FRY: variants seen among roughly 807,000 people sequenced by gnomAD.
FRY encodes the protein protein furry homolog.
In FRY, 128 loss-of-function variants were observed where a neutral mutation model predicts 348.4. The ratio of observed to expected loss-of-function variants is 0.37; its 90% CI spans 0.32 to 0.43. The LOEUF (loss-of-function observed/expected upper bound fraction) is 0.43. Ranked by LOEUF, FRY falls within the 20% of genes least tolerant of loss-of-function variation. FRY has a pLI of 1.00. For missense variants in FRY, 2,736 were observed against 3,695.2 expected, an observed-to-expected ratio of 0.74 and a Z score of 6.73; for synonymous variants, 1,370 against 1,374.7, an observed-to-expected ratio of 1.00 and a Z score of 0.08.
At chr13:32,180,272 T>C (rs1166259980) in intron 23 of FRY, among the ~76,000 whole-genome samples, 1 of 152,088 alleles carries the variant, frequency 6.6e-6, no homozygotes, top group Non-Finnish European at 1.5e-5. Flanking sequence ...TCTCGCTCTG[T>C]CACGCAGGCT....
At chr13:32,180,780 C>G (rs980211114) in intron 23 of FRY, among the ~76,000 whole-genome samples, 2 of 152,054 alleles carry the variant, frequency 1.3e-5, no homozygotes, top group Admixed American at 6.6e-5. Context: ...AAATGAGAAA[C>G]CTCCAAGCAT....
intron 15 of FRY, 127 bp from the exon 16 acceptor site, chr13:32,157,146 A>T: frequency 1.2e-6 from 1 of 804,548 alleles, no homozygotes; most frequent in Non-Finnish European, 2.1e-6. Context: ...TGAATCAGAC[A>T]GCCCTTTTGC....
intron 36 of FRY, among the ~76,000 whole-genome samples, chr13:32,221,024 G>T (rs1278004206): frequency 1.3e-5 from 2 of 152,160 alleles, no homozygotes; most frequent in Non-Finnish European, 2.9e-5. Flanking sequence ...TAGGGTTCTG[G>T]CTGCTCACTT....
chr13:32,031,828 G>A lies in FRY; in HGVS notation c.33G>A (p.Glu11=). The A allele has an allele frequency of 6.2e-7, 1 of 1,605,256 alleles. No homozygotes were observed. Among genetic ancestry groups the A allele is most frequent in the South Asian group, 1.1e-5 (1 of 90,842 alleles). The part of the protein sequence containing the change: MASQQDSGFF[E]ISIKYLLKSW... ...GCCAGCAGGATTCGGGCTTCTTTGA[G>A]ATCAGTATCAAATATTTACTGAAAT... The change falls in exon 1 of 61, where the codon GAG becomes GAA. Residue 11 remains glutamate (E), a synonymous_variant. Coordinates refer to ENST00000542859, the MANE Select transcript of FRY (RefSeq NM_023037.3).
chr13:32,150,855 A>G (rs532664423), intron 14 of FRY, among the ~76,000 whole-genome samples: 32 of 152,206 alleles, frequency 2.1e-4, no homozygotes, highest in Non-Finnish European at 3.1e-4. Flanking sequence ...ACCACACCCC[A>G]TATTCTCTTC....
intron 59 of FRY, 120 bp downstream of exon 59, chr13:32,289,863 C>G (rs1481925758): frequency 8.5e-6 from 6 of 706,726 alleles, no homozygotes; most frequent in Non-Finnish European, 1.3e-5. Flanking sequence ...TTATTTTGCT[C>G]AAACACAATT....
intron 1 of FRY, among the ~76,000 whole-genome samples, chr13:32,051,771 G>C (rs930301426): frequency 6.6e-6 from 1 of 152,192 alleles, no homozygotes; most frequent in Non-Finnish European, 1.5e-5. Context: ...GATAATTTGC[G>C]AAGTATGAGG....
chr13:32,048,040 C>T lies in FRY; in HGVS notation c.70+16175C>T, dbSNP rs532864140. On this transcript the variant is annotated intron_variant, in intron 1 of 60. Coordinates refer to ENST00000542859, the MANE Select transcript of FRY (RefSeq NM_023037.3). ...CATACTTCCATTGTAGCAACAGTGGCATTCTGTAACTGCTTTACCTGTCTG... is the reference window on the plus strand; with the variant it reads ...CATACTTCCATTGTAGCAACAGTGGTATTCTGTAACTGCTTTACCTGTCTG... Among the ~76,000 whole-genome samples the T allele has an allele frequency of 3.0e-3, 464 of 152,320 alleles. 2 individuals carry two copies. Among genetic ancestry groups the T allele is most frequent in the Non-Finnish European group, 5.4e-3 (367 of 68,032 alleles).
intron 3 of FRY, among the ~76,000 whole-genome samples, chr13:32,111,635 G>A (rs1288901707): frequency 6.6e-6 from 1 of 152,152 alleles, no homozygotes; most frequent in Non-Finnish European, 1.5e-5. Flanking sequence ...GGGAGAGCAG[G>A]ATCATATGAG....
At chr13:32,176,790 G>A (rs999511679) in intron 20 of FRY, among the ~76,000 whole-genome samples, 1 of 152,244 alleles carries the variant, frequency 6.6e-6, no homozygotes, top group African/African-American at 2.4e-5. Context: ...AACGGGGAGA[G>A]AGTAATGGGA....
At chr13:32,128,661 T>C (rs1415264021) in intron 7 of FRY, among the ~76,000 whole-genome samples, 1 of 152,268 alleles carries the variant, frequency 6.6e-6, no homozygotes. Flanking sequence ...GTTTCTTTAT[T>C]TGTTAATTGG....
At chr13:32,224,880 A>G (rs1283370675) in intron 37 of FRY, 53 bp from the exon 38 acceptor site, 1 of 995,964 alleles carries the variant, frequency 1.0e-6, no homozygotes. Flanking sequence ...ATGATCTACT[A>G]GTATTTCCAT....
chr13:32,104,404 C>T (rs79650570), intron 3 of FRY, among the ~76,000 whole-genome samples: 1,648 of 152,286 alleles, frequency 0.011, 32 homozygotes, highest in African/African-American at 0.037. Context: ...CTGCTGCATC[C>T]GCCACCTAAC....
chr13:32,252,049 G>A (rs2806634), intron 50 of FRY, 97 bp downstream of exon 50: 272,518 of 837,316 alleles, frequency 0.33, 46,157 homozygotes, highest in East Asian at 0.4. Flanking sequence ...GGATTCAACT[G>A]TGAATGACAA....
intron 17 of FRY, among the ~76,000 whole-genome samples, chr13:32,170,504 A>C (rs1358551159): frequency 6.6e-6 from 1 of 152,234 alleles, no homozygotes; most frequent in Non-Finnish European, 1.5e-5. Context: ...GCAGCACTTC[A>C]GTAATTCTAA....
chr13:32,174,432 A>T (rs1343258509), intron 19 of FRY, among the ~76,000 whole-genome samples: 1 of 152,212 alleles, frequency 6.6e-6, no homozygotes. Context: ...GAAAGTAATG[A>T]TAATAATAAT....
chr13:32,206,220 C>G (rs1180753058), intron 31 of FRY, among the ~76,000 whole-genome samples: 1 of 152,072 alleles, frequency 6.6e-6, no homozygotes, highest in Non-Finnish European at 1.5e-5. Flanking sequence ...AAGAAAGGGC[C>G]TGGACACCCC....
chr13:32,237,381 C>G lies in FRY; in HGVS notation c.5813C>G (p.Ser1938Cys). The G allele has an allele frequency of 6.2e-7, 1 of 1,613,878 alleles. No homozygotes were observed. ...AACTTATTTATTTTTATACCCAGCTCTTCCTCACCAGATTTAAGCTCCAGC... is the reference window on the plus strand; with the variant it reads ...AACTTATTTATTTTTATACCCAGCTGTTCCTCACCAGATTTAAGCTCCAGC... ...NSDLLTVLSRSSSPDLSSSSK... is the reference protein window; with the variant it reads ...NSDLLTVLSRCSSPDLSSSSK... Residue 1938 changes from serine (S) to cysteine (C), a missense_variant and splice_region_variant, in exon 44 of 61, where the codon TCT becomes TGT. By Grantham distance (112) the Ser-to-Cys change is moderately radical. Around this residue, in one of 9 missense-constraint regions of FRY, gnomAD observed 794 missense variants for 977.0 expected, o/e 0.81. Transcript: ENST00000542859. The surrounding 1 kb of genome is among the most constrained non-coding windows in gnomAD (Gnocchi z 6.3).
At chr13:32,132,439 G>T (rs1430477465) in intron 8 of FRY, among the ~76,000 whole-genome samples, 1 of 152,030 alleles carries the variant, frequency 6.6e-6, no homozygotes, top group Non-Finnish European at 1.5e-5. Flanking sequence ...TTACTAGAGG[G>T]TTTAGATGTA....
Sources: gnomAD v4.1 joint callset for allele counts (sites outside exome capture counted in the v4.1 genomes callset) on GRCh38, gnomAD v4.1.1 for gene constraint, gnomAD v4.1.1 regional missense constraint, Gnocchi (gnomAD v3.1) non-coding constraint, MANE v1.5 for transcripts, NCBI Gene and HGNC (gene_info 2026-07-23, HGNC 2026-07-21) for gene names.